FES: variants seen among roughly 807,000 people sequenced by gnomAD.
The protein encoded by FES is FES proto-oncogene, tyrosine kinase, also known as tyrosine-protein kinase Fes/Fps.
A neutral mutation model predicts 109.6 loss-of-function variants in FES; 83 were observed. The ratio of observed to expected loss-of-function variants is 0.76; its 90% CI spans 0.63 to 0.91. The LOEUF is 0.91. Ranked by LOEUF, FES falls within the 40% of genes least tolerant of loss-of-function variation. The pLI is 0.00. For missense variants in FES, 943 were observed against 1,070.9 expected (o/e 0.88, Z 1.67); for synonymous variants, 458 against 442.1 (o/e 1.04, Z -0.45).
chr15:90,887,062 G>C lies in FES; in HGVS notation c.484+5G>C, dbSNP rs760605204. On this transcript the variant is annotated splice_donor_5th_base_variant and intron_variant, in intron 4 of 18. Transcript: ENST00000328850. ...AGTACCAGGAGGCCAGCAAAGGTTC[G>C]TGGCTTCCCTTGCTGGCAGGGAGGG... 1.2e-6 allele frequency: 2 copies of C among 1,613,884 alleles called. No individual in the cohort carries two copies. The highest frequency in any genetic ancestry group is 1.7e-5 in the Admixed American group (1 of 60,006).
rs772841979 is a variant in FES, at chr15:90,887,225, A to G, written c.523A>G (p.Ser175Gly). Reference protein sequence around the residue: ...RDKAKDKYVRSLWKLFAHHNR... With the variant: ...RDKAKDKYVRGLWKLFAHHNR... ...CAAGGCTAAGGACAAGTATGTGCGC[A>G]GCCTGTGGAAGCTCTTTGCTCACCA... The change falls in exon 5 of 19, where the codon AGC (serine) becomes GGC (glycine). Residue 175 changes from serine (S) to glycine (G), a missense_variant. By Grantham distance (56) the Ser-to-Gly change is moderately conservative. Coordinates refer to ENST00000328850, the MANE Select transcript of FES (RefSeq NM_002005.4). The G allele has an allele frequency of 3.0e-5, 49 of 1,613,490 alleles. No homozygotes were observed. The highest frequency in any genetic ancestry group is 3.3e-5 in the Non-Finnish European group (39 of 1,180,006).
Position 90,889,707 on chromosome 15 carries a change from C to G in FES, c.926+71C>G. The G allele has an allele frequency of 6.2e-7, 1 of 1,606,052 alleles. No individual in the cohort carries two copies. The highest frequency in any genetic ancestry group is 1.1e-5 in the South Asian group (1 of 90,280). On this transcript the variant is annotated intron_variant, in intron 7 of 18. Coordinates refer to ENST00000328850, the MANE Select transcript of FES (RefSeq NM_002005.4). This position sits in a 1 kb window ranked among gnomAD's most constrained non-coding sequence, Gnocchi z 6.1. ...ACCACGAGTGTTTATGTAGGCAGGG[C>G]TAGGTCGTGGAGACTGTCCACACAG... is the stretch of plus-strand genomic sequence containing the variant.
chr15:90,885,386 C>G, intron 2 of FES, 26 bp from the exon 3 acceptor site: 1 of 1,600,722 alleles, frequency 6.2e-7, no homozygotes, highest in Non-Finnish European at 8.5e-7. Context: ...GCCCCCCTCC[C>G]TGCCTCCCCC....
In FES at chr15:90,890,992, C is replaced by T. The variant is rs34086251; in HGVS notation, c.1331C>T (p.Pro444Leu). The T allele has an allele frequency of 3.9e-3, 6,195 of 1,585,870 alleles. 18 individuals carry two copies. The highest frequency in any genetic ancestry group is 4.7e-3 in the Non-Finnish European group (5,446 of 1,166,054). ...IFRPKFSLPP[P>L]LQLIPEVQKP... ...TCCTCCCTTGCCCAGCTCCCTCCAC[C>T]GCTGCAGCTCATTCCGGAGGTGCAG... Residue 444 changes from proline to leucine, a missense_variant, in exon 11 of 19, where the codon CCG (proline) becomes CTG (leucine). Physicochemically the swap from Pro to Leu is moderately conservative, Grantham distance 98 (BLOSUM62 -3). Transcript: ENST00000328850.
chr15:90,889,808 C>T lies in FES; in HGVS notation c.927-32C>T, dbSNP rs767401471. ...CCTGGGTTGAGGGGGCAGGAGGGCT[C>T]GGTTCTAATGCTGCCCTTCTCTTGG... On this transcript the variant is annotated intron_variant, in intron 7 of 18. Transcript: ENST00000328850. This position sits in a 1 kb window ranked among gnomAD's most constrained non-coding sequence, Gnocchi z 6.1. The T allele has an allele frequency of 1.9e-5, 31 of 1,612,268 alleles. No homozygotes were observed. Among genetic ancestry groups the T allele is most frequent in the Middle Eastern group, 1.7e-4 (1 of 6,012 alleles).
chr15:90,894,516 C>T (rs112627871), intron 18 of FES, among the ~76,000 whole-genome samples: 5 of 151,844 alleles, frequency 3.3e-5, no homozygotes, highest in East Asian at 1.9e-4. Context: ...ACCCAGGAGG[C>T]GGAGGCTGCA....
chr15:90,884,787 G>C (rs988140157), intron 1 of FES: 1 of 464,866 alleles, frequency 2.2e-6, no homozygotes, highest in Non-Finnish European at 3.9e-6. Flanking sequence ...GAAGGGCCTG[G>C]GGAGGGAGGC....
chr15:90,885,475 G>A lies in FES; in HGVS notation c.277G>A (p.Asp93Asn), dbSNP rs1430863175. Residue 93 changes from aspartate (D) to asparagine (N), a missense_variant, in exon 3 of 19, where the codon GAT becomes AAT. Physicochemically the swap from Asp to Asn is conservative, Grantham distance 23. Coordinates refer to ENST00000328850, the MANE Select transcript of FES (RefSeq NM_002005.4). ...CCGCTTGCTGCGGCAGCACGCAGAGGATCTGAACTCAGGGCCCCTGAGCAA... is the reference window on the plus strand; with the variant it reads ...CCGCTTGCTGCGGCAGCACGCAGAGAATCTGAACTCAGGGCCCCTGAGCAA... Reference protein sequence around the residue: ...LSRLLRQHAEDLNSGPLSKLS... With the variant: ...LSRLLRQHAENLNSGPLSKLS... The A allele has an allele frequency of 3.1e-6, 5 of 1,613,426 alleles. No homozygotes were observed. Among genetic ancestry groups the A allele is most frequent in the Admixed American group, 3.3e-5 (2 of 60,020 alleles).
intron 13 of FES, 110 bp downstream of exon 13, chr15:90,892,221 T>G: frequency 6.6e-6 from 8 of 1,220,942 alleles, no homozygotes; most frequent in South Asian, 1.2e-5. Context: ...ATTCCCCACT[T>G]GTACCCCGAC....
intron 3 of FES, among the ~76,000 whole-genome samples, chr15:90,886,047 C>A (rs2032586325): frequency 6.6e-6 from 1 of 152,234 alleles, no homozygotes. Flanking sequence ...TGAATCCCAC[C>A]CAGCTCCTCA....
chr15:90,894,266 A>C (rs560065513), intron 18 of FES, among the ~76,000 whole-genome samples: 1 of 152,086 alleles, frequency 6.6e-6, no homozygotes, highest in African/African-American at 2.4e-5. Context: ...CTTGGACAAC[A>C]CAGTGAAACT....
intron 10 of FES, among the ~76,000 whole-genome samples, 157 bp from the exon 11 acceptor site, chr15:90,890,825 C>G (rs1207758326): frequency 3.3e-5 from 5 of 152,178 alleles, no homozygotes; most frequent in Admixed American, 3.3e-4. Flanking sequence ...CTGGGCCAGT[C>G]CAGTGCCCAC....
At position 90,893,829 on chromosome 15, in the gene FES, A is replaced by G; in HGVS notation, c.2203+18A>G. ...TAACTACGGTACCTAGTCCCTGTCT[A>G]CCCTGGACTCCATGGCCAGAGGCCA... On this transcript the variant is annotated intron_variant, in intron 17 of 18. Coordinates refer to ENST00000328850, the MANE Select transcript of FES (RefSeq NM_002005.4). The G allele has an allele frequency of 6.3e-7, 1 of 1,595,334 alleles. No homozygotes were observed. Among genetic ancestry groups the G allele is most frequent in the Non-Finnish European group, 8.5e-7 (1 of 1,170,030 alleles).
At chr15:90,887,857 T>C (rs915393065) in intron 5 of FES, among the ~76,000 whole-genome samples, 1 of 152,072 alleles carries the variant, frequency 6.6e-6, no homozygotes, top group Non-Finnish European at 1.5e-5. Context: ...ATGGGGCTAT[T>C]TGGAGAAAGA....
intron 1 of FES, chr15:90,884,755 T>G (rs79492104): frequency 0.01 from 3,516 of 347,250 alleles, 112 homozygotes; most frequent in African/African-American, 0.065. Context: ...GGCAAGGGTG[T>G]CCCTGTAAGG....
chr15:90,894,512 G>A (rs1224608526), intron 18 of FES, among the ~76,000 whole-genome samples: 1 of 152,090 alleles, frequency 6.6e-6, no homozygotes, highest in African/African-American at 2.4e-5. Flanking sequence ...TTGAACCCAG[G>A]AGGCGGAGGC....
In FES at chr15:90,889,813, C is replaced by A. The variant is rs374264361; in HGVS notation, c.927-27C>A. The A allele has an allele frequency of 5.0e-6, 8 of 1,613,026 alleles. No homozygotes were observed. In the African/African-American group the frequency reaches 9.4e-5, roughly 19 times the overall value. On this transcript the variant is annotated intron_variant, in intron 7 of 18. Transcript: ENST00000328850. This position sits in a 1 kb window ranked among gnomAD's most constrained non-coding sequence, Gnocchi z 6.1. ...GTTGAGGGGGCAGGAGGGCTCGGTT[C>A]TAATGCTGCCCTTCTCTTGGGTGCA...
Position 90,895,454 on chromosome 15 carries a change from G to C in FES, c.2365G>C (p.Val789Leu). ...LPCPELCPDA[V>L]FRLMEQCWAY... is the part of the protein sequence containing the mutation. ...CTGCCCAGAGCTGTGTCCTGATGCCGTGTTCAGGCTCATGGAGCAGTGCTG... is the reference window on the plus strand; with the variant it reads ...CTGCCCAGAGCTGTGTCCTGATGCCCTGTTCAGGCTCATGGAGCAGTGCTG... Residue 789 changes from valine (V) to leucine (L), a missense_variant, in exon 19 of 19, where the codon GTG becomes CTG. Coordinates refer to ENST00000328850, the MANE Select transcript of FES (RefSeq NM_002005.4). 1 of 1,585,840 alleles carries C rather than the reference G, an allele frequency of 6.3e-7. No homozygotes were observed. Among genetic ancestry groups the C allele is most frequent in the Non-Finnish European group, 8.6e-7 (1 of 1,163,576 alleles).
chr15:90,891,953 C>G, intron 12 of FES, 105 bp from the exon 13 acceptor site: 1 of 1,285,170 alleles, frequency 7.8e-7, no homozygotes. Flanking sequence ...TGGTCCCACC[C>G]CTGGTCACAT....
Sources: gnomAD v4.1 joint callset for allele counts (sites outside exome capture counted in the v4.1 genomes callset) on GRCh38, gnomAD v4.1.1 for gene constraint, Gnocchi (gnomAD v3.1) non-coding constraint, MANE v1.5 for transcripts, NCBI Gene and HGNC (gene_info 2026-07-23, HGNC 2026-07-21) for gene names.